EVPL: variants seen among roughly 807,000 people sequenced by gnomAD.
EVPL encodes envoplakin.
Under a neutral mutation model 129.7 loss-of-function variants are expected in EVPL, and 94 were observed. The ratio of observed to expected loss-of-function variants is 0.72; its 90% CI spans 0.61 to 0.86. EVPL has a LOEUF of 0.86. Ranked by LOEUF, EVPL falls within the 40% of genes least tolerant of loss-of-function variation. EVPL has a pLI of 0.00. For synonymous variants in EVPL, 1,172 were observed against 1,191.1 expected (o/e 0.98, Z 0.33); for missense variants, 2,625 against 2,721.1 (o/e 0.96, Z 0.79).
Position 76,008,165 on chromosome 17 carries a change from G to A in EVPL, c.5040C>T (p.Thr1680=), listed in dbSNP as rs754265405. 10 of 1,614,126 alleles carry A rather than the reference G, an allele frequency of 6.2e-6. 1 individual carries two copies. The South Asian group carries it at 6.6e-5, about 11-fold the overall frequency. ...GGATGGAGATCTTGGTGGAAAGGTT[G>A]GTCTCTCGCGTCTGGGTCTCCTGGC... is the stretch of plus-strand genomic sequence containing the variant. ...ELSQETQTRE[T]NLSTKISILE... The change falls in exon 22 of 22, where the codon ACC becomes ACT. Residue 1680 remains threonine, a synonymous_variant. Transcript: ENST00000301607. The surrounding 1 kb of genome is among the most constrained non-coding windows in gnomAD (Gnocchi z 7.4).
chr17:76,021,818 C>T lies in EVPL; in HGVS notation c.808-37G>A, dbSNP rs1475603968. The stretch of plus-strand genomic sequence containing the variant: ...TCGGGTGGGGAGCGGCGGTGAGGAC[C>T]CGGATGGCCCTGGCCGCCCCCACCT... On this transcript the variant is annotated intron_variant, in intron 7 of 21. Coordinates refer to ENST00000301607, the MANE Select transcript of EVPL (RefSeq NM_001988.4). The T allele has an allele frequency of 3.2e-6, 5 of 1,570,524 alleles. No homozygotes were observed. In the South Asian group the frequency reaches 3.5e-5, roughly 11 times the overall value.
At position 76,010,408 on chromosome 17, in the gene EVPL, G is replaced by C. The variant is rs757177433; in HGVS notation, c.2797C>G (p.His933Asp). The C allele has an allele frequency of 6.2e-7, 1 of 1,613,910 alleles. No homozygotes were observed. Among genetic ancestry groups the C allele is most frequent in the East Asian group, 2.2e-5 (1 of 44,842 alleles). Residue 933 changes from histidine (H) to aspartate (D), a missense_variant, in exon 22 of 22, where the codon CAT becomes GAT. Around this residue, in one of 4 missense-constraint regions of EVPL, gnomAD observed 1,453 missense variants for 1,511.8 expected, o/e 0.96. Coordinates refer to ENST00000301607, the MANE Select transcript of EVPL (RefSeq NM_001988.4). ...TGGCTCCTCTGCGCCTCCAGCTCAT[G>C]CTGCACCCGGGCCACCCGCTTCCTC... ...EERKRVARVQ[H>D]ELEAQRSQLL... is the part of the protein sequence containing the mutation.
intron 9 of EVPL, 57 bp downstream of exon 9, chr17:76,021,411 C>G: frequency 2.3e-6 from 3 of 1,297,060 alleles, no homozygotes; most frequent in Non-Finnish European, 3.2e-6. Context: ...GTGCTGTGCT[C>G]CCGCCCCTGC....
At chr17:76,010,647 G>T in intron 21 of EVPL, 104 bp from the exon 22 acceptor site, 2 of 1,289,564 alleles carry the variant, frequency 1.6e-6, no homozygotes, top group Non-Finnish European at 2.1e-6. Context: ...AGACTCCCCA[G>T]TGGGTCCTCA....
chr17:76,011,188 A>G (rs749253960), intron 21 of EVPL, among the ~76,000 whole-genome samples: 5 of 152,242 alleles, frequency 3.3e-5, no homozygotes, highest in Non-Finnish European at 5.9e-5. Context: ...AAAGCTGGCA[A>G]GTCACCAGGA....
In EVPL at chr17:76,007,789, GGGCCGGGGA is replaced by G. The variant is rs2066332284; in HGVS notation, c.5407_5415del (p.Ser1803_Ala1805del). 1.9e-6 allele frequency: 3 copies of G among 1,611,836 alleles called. No homozygotes were observed. Among genetic ancestry groups the G allele is most frequent in the Non-Finnish European group, 2.5e-6 (3 of 1,178,312 alleles). ...GGAGAGAAGAAACTGGTGCTCTGGG[GGGCCGGGGA>G]GGCGAGCGGGGACTTGGAGATGATA... On this transcript the variant is annotated inframe_deletion, in exon 22 of 22. Coordinates refer to ENST00000301607, the MANE Select transcript of EVPL (RefSeq NM_001988.4). This position sits in a 1 kb window ranked among gnomAD's most constrained non-coding sequence, Gnocchi z 8.8.
intron 9 of EVPL, among the ~76,000 whole-genome samples, chr17:76,020,816 C>T (rs541817426): frequency 1.3e-5 from 2 of 152,182 alleles, no homozygotes; most frequent in South Asian, 2.1e-4. Context: ...CTCGGCTTCC[C>T]AAAGTGCTGG....
At chr17:76,015,764 G>T (rs1048847271) in intron 14 of EVPL, 136 bp from the exon 15 acceptor site, 6 of 873,768 alleles carry the variant, frequency 6.9e-6, no homozygotes, top group African/African-American at 6.8e-5. Context: ...AGAGAACTGC[G>T]TTCAGTCCTG....
chr17:76,022,376 G>T lies in EVPL; in HGVS notation c.606+37C>A, dbSNP rs754922409. 6 of 1,612,428 alleles carry T rather than the reference G, an allele frequency of 3.7e-6. No homozygotes were observed. The highest frequency in any genetic ancestry group is 4.2e-6 in the Non-Finnish European group (5 of 1,179,542). The stretch of plus-strand genomic sequence containing the variant: ...GCTCTGACTGGAGAAACGGGCTGGG[G>T]CTGGCCCCGGATGTGACATCCTCCA... On this transcript the variant is annotated intron_variant, in intron 5 of 21. Transcript: ENST00000301607. The surrounding 1 kb of genome is among the most constrained non-coding windows in gnomAD (Gnocchi z 5.6).
intron 15 of EVPL, 38 bp downstream of exon 15, chr17:76,015,412 G>A: frequency 6.2e-7 from 1 of 1,605,106 alleles, no homozygotes; most frequent in Non-Finnish European, 8.5e-7. Flanking sequence ...GCCACACGCT[G>A]CTGCCCTGCG....
chr17:76,019,493 A>T, intron 10 of EVPL, 35 bp downstream of exon 10: 1 of 1,529,480 alleles, frequency 6.5e-7, no homozygotes, highest in Non-Finnish European at 8.7e-7. Flanking sequence ...AATTCCCAGA[A>T]GTGGGGTGCA....
In EVPL at chr17:76,009,228, AGCACCGGGTCCTTCTCGTGGC is replaced by A; in HGVS notation, c.3956_3976del (p.Arg1319_Val1325del). 4.4e-6 allele frequency: 7 copies of A among 1,608,162 alleles called. No individual in the cohort carries two copies. The highest frequency in any genetic ancestry group is 5.9e-6 in the Non-Finnish European group (7 of 1,179,844). ...GCGGAGCCGCTCTGCTTCTTTCTCC[AGCACCGGGTCCTTCTCGTGGC>A]GCACCACCTCCTTGCTCACCGTCTT... On this transcript the variant is annotated inframe_deletion, in exon 22 of 22. Transcript: ENST00000301607. This position sits in a 1 kb window ranked among gnomAD's most constrained non-coding sequence, Gnocchi z 5.9.
rs2066340896 is a variant in EVPL at position 76,008,367 on chromosome 17, A to AGCTGCAGTGTCTGCT, written c.4823_4837dup (p.Gln1608_Gln1612dup). On this transcript the variant is annotated inframe_insertion, in exon 22 of 22. Coordinates refer to ENST00000301607, the MANE Select transcript of EVPL (RefSeq NM_001988.4). This position sits in a 1 kb window ranked among gnomAD's most constrained non-coding sequence, Gnocchi z 7.4. ...GCTGAGCAGCTTCGACTCCTCCTGC[A>AGCTGCAGTGTCTGCT]GCTGCAGTGTCTGCTGCTGCTTCTG... The AGCTGCAGTGTCTGCT allele has an allele frequency of 6.2e-7, 1 of 1,601,820 alleles. No individual in the cohort carries two copies. Among genetic ancestry groups the AGCTGCAGTGTCTGCT allele is most frequent in the Non-Finnish European group, 8.5e-7 (1 of 1,179,208 alleles).
rs757625671 is a variant in EVPL, at chr17:76,007,330, G to A, written c.5875C>T (p.Leu1959Phe). The change falls in exon 22 of 22, where the codon CTC becomes TTC. Residue 1959 changes from leucine to phenylalanine, a missense_variant. By Grantham distance (22) the Leu-to-Phe change is conservative. This residue lies in a region of EVPL where 1,453 missense variants were observed against 1,511.8 expected (regional missense o/e 0.96). Coordinates refer to ENST00000301607, the MANE Select transcript of EVPL (RefSeq NM_001988.4). The surrounding 1 kb of genome is among the most constrained non-coding windows in gnomAD (Gnocchi z 8.8). ...RTGRIPIQQA[L>F]LSGMISEELA... ...TCTTCACTGATCATCCCGGAGAGGA[G>A]GGCCTGCTGGATGGGGATGCGGCCT... 3.2e-6 allele frequency: 5 copies of A among 1,565,100 alleles called. No homozygotes were observed. The highest frequency in any genetic ancestry group is 4.5e-5 in the East Asian group (2 of 44,250).
intron 8 of EVPL, 40 bp from the exon 9 acceptor site, chr17:76,021,603 C>CCT (rs2066458800): frequency 6.9e-7 from 1 of 1,444,494 alleles, no homozygotes; most frequent in Non-Finnish European, 9.1e-7. Flanking sequence ...CACGCCCCCC[C>CCT]CACGTCCGCC....
In EVPL at chr17:76,012,747, T is replaced by C. The variant is rs926748470; in HGVS notation, c.2374-658A>G. 7.4e-4 allele frequency among the ~76,000 whole-genome samples: 105 copies of C among 142,570 alleles called. 1 individual carries two copies. Among genetic ancestry groups the C allele is most frequent in the East Asian group, 1.8e-3 (9 of 5,034 alleles). 93.5% of individuals were successfully genotyped at this position (142,570 alleles called of 152,430 possible). A position where few individuals can be genotyped will look rare whatever the true frequency, so the allele number is the denominator to read the frequency against. On this transcript the variant is annotated intron_variant, in intron 18 of 21. Transcript: ENST00000301607. ...AATTCATATTTCTTTCTTTTCTTTT[T>C]TTTTTTTTTTTTTTTGAGACGGAGT...
chr17:76,022,679 T>G lies in EVPL; in HGVS notation c.481-141A>C, dbSNP rs2066471081. 9 of 1,170,786 alleles carry G rather than the reference T, an allele frequency of 7.7e-6. No individual in the cohort carries two copies. Among genetic ancestry groups the G allele is most frequent in the Non-Finnish European group, 1.1e-5 (9 of 855,020 alleles). The allele number at this position is 1,170,786 out of a possible 1,614,324, so 72.5% of individuals were successfully genotyped here. A position where few individuals can be genotyped will look rare whatever the true frequency, so the allele number is the denominator to read the frequency against. On this transcript the variant is annotated intron_variant, in intron 4 of 21. Transcript: ENST00000301607. The surrounding 1 kb of genome is among the most constrained non-coding windows in gnomAD (Gnocchi z 5.6). ...CTGGGAGCAGCCCGGGTGCATGCCC[T>G]GCAGCTCCCCCAGGGGCGAGGCCAT...
rs57576632 is a variant in EVPL at position 76,023,339 on chromosome 17, C to G, written c.433G>C (p.Asp145His). The G allele has an allele frequency of 2.5e-5, 41 of 1,613,792 alleles. No homozygotes were observed. Among genetic ancestry groups the G allele is most frequent in the Non-Finnish European group, 3.4e-5 (40 of 1,180,020 alleles). The part of the protein sequence containing the change: ...ALYEKMVLPP[D>H]VGPRVDWARV... ...GCCCAGTCGACCCTGGGTCCCACGT[C>G]GGGGGGCAGCACCATCTTCTCGTAC... is the stretch of plus-strand genomic sequence containing the variant. Residue 145 changes from aspartate (D) to histidine (H), a missense_variant, in exon 4 of 22, where the codon GAC (aspartate) becomes CAC (histidine). Physicochemically the swap from Asp to His is moderately conservative, Grantham distance 81. Around this residue, in one of 4 missense-constraint regions of EVPL, gnomAD observed 1,024 missense variants for 997.5 expected, o/e 1.03. Coordinates refer to ENST00000301607, the MANE Select transcript of EVPL (RefSeq NM_001988.4).
In EVPL at chr17:76,018,205, C is replaced by T. The variant is rs150157240; in HGVS notation, c.1493G>A (p.Arg498His). Residue 498 changes from arginine to histidine, a missense_variant, in exon 13 of 22, where the codon CGC (arginine) becomes CAC (histidine). By Grantham distance (29) the Arg-to-His change is conservative. Around this residue, in one of 4 missense-constraint regions of EVPL, gnomAD observed 1,024 missense variants for 997.5 expected, o/e 1.03. Transcript: ENST00000301607. ...LKQKLATVQS[R>H]LKASAVESLR... ...AGACTCCACAGCACTGGCCTTCAGG[C>T]GGCTCTGGACTGTGGCCAATTTCTG... 7.4e-5 allele frequency: 115 copies of T among 1,550,512 alleles called. 2 individuals carry two copies. The highest frequency in any genetic ancestry group is 5.9e-4 in the South Asian group (50 of 84,052).
Sources: allele counts gnomAD v4.1 joint callset (sites outside exome capture counted in the v4.1 genomes callset), GRCh38; gene constraint gnomAD v4.1.1; regional missense constraint gnomAD v4.1.1; non-coding constraint Gnocchi (gnomAD v3.1); transcripts MANE v1.5; gene names NCBI Gene and HGNC (gene_info 2026-07-23, HGNC 2026-07-21).